PGBD5: variants seen among roughly 807,000 people sequenced by gnomAD.
The protein encoded by PGBD5 is piggyBac transposable element derived 5.
A neutral mutation model predicts 47.9 loss-of-function variants in PGBD5; 14 were observed. That is an observed-to-expected ratio of 0.29 (90% confidence interval 0.19 to 0.46). PGBD5 has a LOEUF of 0.46. Ranked by LOEUF, PGBD5 falls within the 20% of genes least tolerant of loss-of-function variation. The pLI, the probability that PGBD5 is intolerant of heterozygous loss-of-function variation, is 1.00. For synonymous variants in PGBD5, 316 were observed against 306.3 expected, an observed-to-expected ratio of 1.03 and a Z score of -0.33; for missense variants, 635 against 716.0, an observed-to-expected ratio of 0.89 and a Z score of 1.29.
chr1:230,399,375 C>G (rs1231616442), intron 1 of PGBD5, among the ~76,000 whole-genome samples: 4 of 152,206 alleles, frequency 2.6e-5, no homozygotes, highest in African/African-American at 9.6e-5. Context: ...ACGGAGCTGA[C>G]TGCTCAGAAC....
chr1:230,367,020 G>A (rs1300818490), intron 1 of PGBD5, among the ~76,000 whole-genome samples: 1 of 152,042 alleles, frequency 6.6e-6, no homozygotes, highest in African/African-American at 2.4e-5. Flanking sequence ...AGGTGGGGGT[G>A]AGGAGAGGCC....
intron 3 of PGBD5, among the ~76,000 whole-genome samples, chr1:230,338,038 G>C (rs980131808): frequency 6.6e-6 from 1 of 152,228 alleles, no homozygotes; most frequent in Non-Finnish European, 1.5e-5. Context: ...ATGTGGTGTT[G>C]GACGACGGTA....
rs565355817 is a variant in PGBD5, at chr1:230,328,003, C to G, written c.1274-2588G>C. Among the ~76,000 whole-genome samples the G allele has an allele frequency of 3.3e-5, 5 of 152,362 alleles. No homozygotes were observed. The South Asian group carries it at 1.0e-3, about 32-fold the overall frequency. ...TCCACTTGGATGTGAGCAGGTGAGA[C>G]CATCCCTATAAAGAAATGCAAATCC... On this transcript the variant is annotated intron_variant, in intron 5 of 6. Coordinates refer to ENST00000391860, the MANE Select transcript of PGBD5 (RefSeq NM_001258311.2).
At chr1:230,388,455 G>A (rs527634032) in intron 1 of PGBD5, among the ~76,000 whole-genome samples, 9 of 144,356 alleles carry the variant, frequency 6.2e-5, no homozygotes, top group African/African-American at 1.0e-4. Context: ...TCGCTCTGTC[G>A]CCCAGGCTGG....
At chr1:230,413,390 C>T (rs908354922) in intron 1 of PGBD5, among the ~76,000 whole-genome samples, 13 of 152,030 alleles carry the variant, frequency 8.6e-5, no homozygotes, top group African/African-American at 3.1e-4. Flanking sequence ...GTCCCAGCTA[C>T]TCAGGAGGCT....
intron 1 of PGBD5, among the ~76,000 whole-genome samples, chr1:230,404,978 T>C (rs1251329179): frequency 7.7e-6 from 1 of 129,382 alleles, no homozygotes; most frequent in Non-Finnish European, 1.6e-5. Flanking sequence ...AGCTATCAAG[T>C]TTTTTTTTTT....
At chr1:230,344,662 T>C (rs1339234888) in intron 3 of PGBD5, among the ~76,000 whole-genome samples, 1 of 152,188 alleles carries the variant, frequency 6.6e-6, no homozygotes, top group Non-Finnish European at 1.5e-5. Flanking sequence ...ACAGATGTCA[T>C]GAGGGCTCTG....
chr1:230,330,826 G>A (rs971653589), intron 5 of PGBD5, among the ~76,000 whole-genome samples: 4 of 152,288 alleles, frequency 2.6e-5, no homozygotes, highest in Non-Finnish European at 5.9e-5. Context: ...ACTTTATGAT[G>A]TAAAATAGAA....
chr1:230,370,037 C>A (rs1181503532), intron 1 of PGBD5, among the ~76,000 whole-genome samples: 1 of 152,248 alleles, frequency 6.6e-6, no homozygotes, highest in African/African-American at 2.4e-5. Flanking sequence ...GCTTCCTCAT[C>A]TCACAAGGAG....
chr1:230,402,315 G>A (rs753540251), intron 1 of PGBD5, among the ~76,000 whole-genome samples: 9 of 152,218 alleles, frequency 5.9e-5, no homozygotes, highest in Non-Finnish European at 1.0e-4. Flanking sequence ...GTGGCCTAAC[G>A]CCTCTCCTCG....
At position 230,375,135 on chromosome 1, in the gene PGBD5, T is replaced by C. The variant is rs146143225; in HGVS notation, c.332-17814A>G. Among the ~76,000 whole-genome samples, 303 of 152,294 alleles carry C rather than the reference T, an allele frequency of 2.0e-3. 1 individual carries two copies. Among genetic ancestry groups the C allele is most frequent in the African/African-American group, 6.8e-3 (283 of 41,560 alleles). ...GCAAAAGCACCCACACTTGCGGAGA[T>C]TGAAAGCAGTACAGATCTCTAACGA... is the stretch of plus-strand genomic sequence containing the variant. On this transcript the variant is annotated intron_variant, in intron 1 of 6. Coordinates refer to ENST00000391860, the MANE Select transcript of PGBD5 (RefSeq NM_001258311.2).
At chr1:230,347,220 G>A (rs1484742715) in intron 3 of PGBD5, among the ~76,000 whole-genome samples, 3 of 152,102 alleles carry the variant, frequency 2.0e-5, no homozygotes, top group Admixed American at 1.3e-4. Context: ...GGATTCTCCC[G>A]AGACACAGAA....
chr1:230,337,245 T>C lies in PGBD5; in HGVS notation c.938A>G (p.Asp313Gly). The C allele has an allele frequency of 1.2e-6, 2 of 1,613,832 alleles. No individual in the cohort carries two copies. Among genetic ancestry groups the C allele is most frequent in the Non-Finnish European group, 1.7e-6 (2 of 1,179,970 alleles). ...GAGCTGGGGCTTATTCTTCAGCGCA[T>C]CCAGGCCATCTGGGCCCCCACCTTC... is the stretch of plus-strand genomic sequence containing the variant. ...LKEGGGPDGL[D>G]ALKNKPQLHS... is the part of the protein sequence containing the mutation. Residue 313 changes from aspartate to glycine, a missense_variant, in exon 4 of 7, where the codon GAT (aspartate) becomes GGT (glycine). Transcript: ENST00000391860.
chr1:230,423,203 T>C (rs1387115364), intron 1 of PGBD5, among the ~76,000 whole-genome samples: 1 of 152,194 alleles, frequency 6.6e-6, no homozygotes, highest in Non-Finnish European at 1.5e-5. Flanking sequence ...TTCTGTGCTT[T>C]CCTCATCTGA....
intron 1 of PGBD5, among the ~76,000 whole-genome samples, chr1:230,418,191 T>C (rs1300595280): frequency 2.0e-5 from 3 of 152,150 alleles, no homozygotes; most frequent in Non-Finnish European, 2.9e-5. Context: ...CTCCTAGGTA[T>C]ACATGGCCCA....
chr1:230,354,437 G>A (rs1667603929), intron 2 of PGBD5, among the ~76,000 whole-genome samples: 1 of 152,136 alleles, frequency 6.6e-6, no homozygotes, highest in Non-Finnish European at 1.5e-5. Flanking sequence ...CAGCCAAGTG[G>A]GAGTCATCAG....
chr1:230,423,654 C>T (rs998867942), intron 1 of PGBD5, among the ~76,000 whole-genome samples: 1 of 152,184 alleles, frequency 6.6e-6, no homozygotes, highest in Admixed American at 6.5e-5. Context: ...CTCCATTCTC[C>T]ACCACTCCAA....
intron 1 of PGBD5, among the ~76,000 whole-genome samples, chr1:230,362,821 A>G (rs1667768844): frequency 6.6e-6 from 1 of 152,044 alleles, no homozygotes; most frequent in African/African-American, 2.4e-5. Context: ...TTCTGTGTTC[A>G]GTGGGAAGCA....
chr1:230,348,825 C>A (rs1667518477), intron 3 of PGBD5, among the ~76,000 whole-genome samples: 2 of 152,222 alleles, frequency 1.3e-5, no homozygotes, highest in Non-Finnish European at 2.9e-5. Flanking sequence ...CATGCCAGTC[C>A]TGTCACGGCA....
Sources: allele counts gnomAD v4.1 joint callset (sites outside exome capture counted in the v4.1 genomes callset), GRCh38; gene constraint gnomAD v4.1.1; transcripts MANE v1.5; gene names NCBI Gene and HGNC (gene_info 2026-07-23, HGNC 2026-07-21).